Variants in BRPF3 observed in about 807,000 individuals in gnomAD.
BRPF3 encodes bromodomain and PHD finger-containing protein 3.
Under a neutral mutation model 102.0 loss-of-function variants are expected in BRPF3, and 18 were observed. The ratio of observed to expected loss-of-function variants is 0.18; its 90% CI spans 0.12 to 0.26. The LOEUF is 0.26. BRPF3 is among the 10% of genes least tolerant of loss of function. BRPF3 has a pLI of 1.00. For synonymous variants in BRPF3, 570 were observed against 614.2 expected, an observed-to-expected ratio of 0.93 and a Z score of 1.06; for missense variants, 1,147 against 1,567.8, an observed-to-expected ratio of 0.73 and a Z score of 4.53.
At position 36,230,501 on chromosome 6, in the gene BRPF3, C is replaced by T. The variant is rs773377360; in HGVS notation, c.3510C>T (p.Gly1170=). The part of the protein sequence containing the change: ...DTVDKLKMLE[G]RKTSIRKSVQ... Reference sequence around the variant, plus strand: ...TGGACAAGCTCAAGATGCTGGAAGGCCGCAAGACCAGCATCCGCAAGTCAG... The same window carrying T: ...TGGACAAGCTCAAGATGCTGGAAGGTCGCAAGACCAGCATCCGCAAGTCAG... Residue 1170 remains glycine, a synonymous_variant, in exon 13 of 13, where the codon GGC becomes GGT. Transcript: ENST00000357641. The surrounding 1 kb of genome is among the most constrained non-coding windows in gnomAD (Gnocchi z 5.4). 7.4e-6 allele frequency: 12 copies of T among 1,614,066 alleles called. No individual in the cohort carries two copies. In the Admixed American group the frequency reaches 8.3e-5, roughly 11 times the overall value.
intron 1 of BRPF3, among the ~76,000 whole-genome samples, chr6:36,198,898 A>G (rs889072733): frequency 6.6e-6 from 1 of 152,170 alleles, no homozygotes; most frequent in Non-Finnish European, 1.5e-5. Context: ...GATAGACTAG[A>G]TATGAGTGTT....
chr6:36,219,099 A>AT (rs1768437364), intron 9 of BRPF3, among the ~76,000 whole-genome samples: 1 of 152,030 alleles, frequency 6.6e-6, no homozygotes, highest in African/African-American at 2.4e-5. Context: ...CCAGAAGACT[A>AT]TTTGTGTTTG....
rs1396505396 is a variant in BRPF3, at chr6:36,231,188, CGTCACCACACTG to C, written c.*583_*594del. The C allele has an allele frequency of 6.5e-6, 1 of 153,012 alleles. No individual in the cohort carries two copies. Among genetic ancestry groups the C allele is most frequent in the Non-Finnish European group, 1.5e-5 (1 of 68,338 alleles). 9.5% of individuals were successfully genotyped at this position (153,012 alleles called of 1,614,324 possible). A position where few individuals can be genotyped will look rare whatever the true frequency, so the allele number is the denominator to read the frequency against. On this transcript the variant is annotated 3_prime_UTR_variant, in exon 13 of 13. Transcript: ENST00000357641. ...TCTCTTGTGCCAAACTGACAGAAACCGTCACCACACTGGTCTTTTTCTTTAATGTCTCATTCC... is the reference window on the plus strand; with the variant it reads ...TCTCTTGTGCCAAACTGACAGAAACCGTCTTTTTCTTTAATGTCTCATTCC...
chr6:36,227,445 A>T (rs778909003), intron 11 of BRPF3, among the ~76,000 whole-genome samples: 5 of 152,216 alleles, frequency 3.3e-5, no homozygotes, highest in Admixed American at 1.3e-4. Flanking sequence ...CTTTGTTACC[A>T]TGTTGTTTTA....
At chr6:36,197,755 G>C (rs1425480289) in intron 1 of BRPF3, 1 of 152,244 alleles carries the variant, frequency 6.6e-6, no homozygotes, top group African/African-American at 2.4e-5. Flanking sequence ...CGTCTAGACT[G>C]TAAGCTCCTT....
At chr6:36,220,595 T>A (rs1768499709) in intron 9 of BRPF3, among the ~76,000 whole-genome samples, 1 of 152,214 alleles carries the variant, frequency 6.6e-6, no homozygotes, top group African/African-American at 2.4e-5. Context: ...TTTGTTTTTC[T>A]TTTTCTCATC....
Position 36,222,217 on chromosome 6 carries a change from G to C in BRPF3, c.3133G>C (p.Val1045Leu). The change falls in exon 10 of 13, where the codon GTG becomes CTG. Residue 1045 changes from valine to leucine, a missense_variant. Around this residue, in one of 11 missense-constraint regions of BRPF3, gnomAD observed 379 missense variants for 426.3 expected, o/e 0.89. Transcript: ENST00000357641. ...RSRGKPALSR[V>L]PFLEGVNGDS... ...CCGTGGGAAGCCAGCCCTGTCTCGA[G>C]TGCCCTTCCTGGAAGGTGTGAACGG... 1 of 1,550,550 alleles carries C rather than the reference G, an allele frequency of 6.4e-7. No individual in the cohort carries two copies. Among genetic ancestry groups the C allele is most frequent in the South Asian group, 1.2e-5 (1 of 84,016 alleles).
chr6:36,213,704 G>GA (rs60749841), intron 7 of BRPF3, among the ~76,000 whole-genome samples, 176 bp from the exon 8 acceptor site: 2,164 of 134,762 alleles, frequency 0.016, 5 homozygotes, highest in Non-Finnish European at 0.019. Flanking sequence ...TCCTGTCTCT[G>GA]AAAAAAAAAA....
In BRPF3 at chr6:36,204,770, C is replaced by A. The variant is rs765553189; in HGVS notation, c.1561C>A (p.Arg521=). ...RQARNGVPLI[R]RLHSHLQSQR... The stretch of plus-strand genomic sequence containing the variant: ...GGCACGGAATGGTGTCCCTCTTATC[C>A]GGCGCTTGCACTCCCATCTGCAGTC... Residue 521 remains arginine (R), a synonymous_variant, in exon 3 of 13, where the codon CGG becomes AGG. Transcript: ENST00000357641. 9 of 1,614,220 alleles carry A rather than the reference C, an allele frequency of 5.6e-6. No homozygotes were observed. The highest frequency in any genetic ancestry group is 7.6e-6 in the Non-Finnish European group (9 of 1,180,046).
rs1767854392 is a variant in BRPF3 at position 36,204,950 on chromosome 6, C to A, written c.1605+136C>A. 5.4e-6 allele frequency: 6 copies of A among 1,115,442 alleles called. No individual in the cohort carries two copies. In the South Asian group the frequency reaches 7.7e-5, roughly 14 times the overall value. The allele number at this position is 1,115,442 out of a possible 1,614,324, so 69.1% of individuals were successfully genotyped here. A position where few individuals can be genotyped will look rare whatever the true frequency, so the allele number is the denominator to read the frequency against. ...GCCTACCTGTCTGGGTGGCCTATCC[C>A]AGGAACAACCCCCAGCACTACAGAG... On this transcript the variant is annotated intron_variant, in intron 3 of 12. Coordinates refer to ENST00000357641, the MANE Select transcript of BRPF3 (RefSeq NM_015695.3).
intron 12 of BRPF3, 121 bp downstream of exon 12, chr6:36,229,177 C>G (rs1205170332): frequency 6.7e-5 from 86 of 1,284,694 alleles, no homozygotes; most frequent in Non-Finnish European, 8.7e-5. Flanking sequence ...TCTCCACTTG[C>G]CAGCAACAGG....
At chr6:36,207,065 G>A (rs1171065876) in intron 3 of BRPF3, among the ~76,000 whole-genome samples, 1 of 152,108 alleles carries the variant, frequency 6.6e-6, no homozygotes, top group African/African-American at 2.4e-5. Flanking sequence ...GGCATACCTG[G>A]GGATAGGGGG....
chr6:36,220,686 T>A (rs1409074039), intron 9 of BRPF3, among the ~76,000 whole-genome samples: 2 of 152,234 alleles, frequency 1.3e-5, no homozygotes, highest in East Asian at 3.8e-4. Context: ...CTCTAATATG[T>A]TGGCAGATTT....
chr6:36,208,167 GA>G (rs1358483197), intron 4 of BRPF3, among the ~76,000 whole-genome samples: 1 of 152,218 alleles, frequency 6.6e-6, no homozygotes, highest in African/African-American at 2.4e-5. Flanking sequence ...AACAGCCAGA[GA>G]AATGTCAGCT....
Position 36,200,464 on chromosome 6 carries a change from C to T in BRPF3, c.142C>T (p.Arg48Cys), listed in dbSNP as rs551656994. The T allele has an allele frequency of 5.6e-6, 9 of 1,614,212 alleles. No homozygotes were observed. Among genetic ancestry groups the T allele is most frequent in the South Asian group, 1.1e-5 (1 of 91,080 alleles). Residue 48 changes from arginine (R) to cysteine (C), a missense_variant, in exon 2 of 13, where the codon CGC (arginine) becomes TGC (cysteine). Coordinates refer to ENST00000357641, the MANE Select transcript of BRPF3 (RefSeq NM_015695.3). This position sits in a 1 kb window ranked among gnomAD's most constrained non-coding sequence, Gnocchi z 5.3. ...QRIVEVDIDG[R>C]LHRISIYDPL... Reference sequence around the variant, plus strand: ...GATTGTCGAGGTAGACATTGATGGACGCCTGCATCGTATCAGCATCTATGA... The same window carrying T: ...GATTGTCGAGGTAGACATTGATGGATGCCTGCATCGTATCAGCATCTATGA...
rs778106502 is a variant in BRPF3, at chr6:36,230,578, C to G, written c.3587C>G (p.Pro1196Arg). The change falls in exon 13 of 13, where the codon CCC (proline) becomes CGC (arginine). Residue 1196 changes from proline to arginine, a missense_variant. Pro to Arg is a moderately radical substitution (Grantham distance 103). Around this residue, in one of 11 missense-constraint regions of BRPF3, gnomAD observed 85 missense variants for 172.9 expected, o/e 0.49. Transcript: ENST00000357641. The surrounding 1 kb of genome is among the most constrained non-coding windows in gnomAD (Gnocchi z 5.4). ...AMIHLSRVRG[P>R]HSFVTSSYL is the part of the protein sequence containing the mutation. ...ATCCACCTGAGCAGAGTCCGGGGGC[C>G]CCACTCCTTCGTCACTTCCAGCTAC... The G allele has an allele frequency of 6.2e-7, 1 of 1,614,046 alleles. No homozygotes were observed. Among genetic ancestry groups the G allele is most frequent in the South Asian group, 1.1e-5 (1 of 91,080 alleles).
At chr6:36,211,595 G>A in intron 7 of BRPF3, 35 bp downstream of exon 7, 1 of 1,540,714 alleles carries the variant, frequency 6.5e-7, no homozygotes. Context: ...GGGGGTTGGA[G>A]GGTAAAGAGG....
chr6:36,221,886 C>T (rs952229187), intron 9 of BRPF3, among the ~76,000 whole-genome samples: 14 of 152,296 alleles, frequency 9.2e-5, no homozygotes, highest in African/African-American at 3.4e-4. Context: ...CTGGTGTGAC[C>T]TTTCCTTTGG....
chr6:36,222,937 T>C (rs559810615), intron 10 of BRPF3, among the ~76,000 whole-genome samples: 1 of 152,362 alleles, frequency 6.6e-6, no homozygotes, highest in South Asian at 2.1e-4. Context: ...TTTTCATGGA[T>C]ACTGCCTGTC....
Sources: allele counts gnomAD v4.1 joint callset (sites outside exome capture counted in the v4.1 genomes callset), GRCh38; gene constraint gnomAD v4.1.1; regional missense constraint gnomAD v4.1.1; non-coding constraint Gnocchi (gnomAD v3.1); transcripts MANE v1.5; gene names NCBI Gene and HGNC (gene_info 2026-07-23, HGNC 2026-07-21).